DNAH17: variants seen among roughly 807,000 people sequenced by gnomAD.
The protein encoded by DNAH17 is axonemal beta dynein heavy chain 17.
In DNAH17, 376 loss-of-function variants were observed where a neutral mutation model predicts 485.6. That is an observed-to-expected ratio of 0.77 (90% CI 0.71 to 0.84). The LOEUF is 0.84. DNAH17 is among the 40% of genes least tolerant of loss of function. The pLI is 0.00. For synonymous variants in DNAH17, 3,031 were observed against 2,405.9 expected, an observed-to-expected ratio of 1.26 and a Z score of -7.60; for missense variants, 6,370 against 5,839.3, an observed-to-expected ratio of 1.09 and a Z score of -2.96.
intron 69 of DNAH17, among the ~76,000 whole-genome samples, chr17:78,446,352 G>C (rs1318934895): frequency 6.6e-6 from 1 of 151,996 alleles, no homozygotes; most frequent in Non-Finnish European, 1.5e-5. Flanking sequence ...GCCTCTGAGA[G>C]CTGCTCATCT....
At chr17:78,538,134 T>C (rs2091426463) in intron 18 of DNAH17, among the ~76,000 whole-genome samples, 1 of 64,728 alleles carries the variant, frequency 1.5e-5, no homozygotes, top group African/African-American at 7.4e-5. Flanking sequence ...CAAAACTCTG[T>C]CTCCAAAAAA....
chr17:78,465,387 G>T (rs1245094850), intron 56 of DNAH17, among the ~76,000 whole-genome samples: 1 of 150,978 alleles, frequency 6.6e-6, no homozygotes, highest in Non-Finnish European at 1.5e-5. Flanking sequence ...CTGCCTGGCC[G>T]CCCATCATCT....
At chr17:78,536,947 G>A (rs146621304) in intron 19 of DNAH17, among the ~76,000 whole-genome samples, 1,949 of 152,062 alleles carry the variant, frequency 0.013, 41 homozygotes, top group African/African-American at 0.042. Flanking sequence ...AGGCCGAGGC[G>A]GGTGGATCAT....
Position 78,458,669 on chromosome 17 carries a change from G to A in DNAH17, c.9873C>T (p.Ala3291=). The change falls in exon 62 of 81, where the codon GCC becomes GCT. Residue 3291 remains alanine (A), a synonymous_variant. Transcript: ENST00000389840. The part of the protein sequence containing the change: ...RIKNKIAELN[A]NLSNLTSAFE... ...ACGCTGAGGTTAGGTTGCTCAGGTTGGCGTTAAGTTCCTGCAAAACCAAGT... is the reference window on the plus strand; with the variant it reads ...ACGCTGAGGTTAGGTTGCTCAGGTTAGCGTTAAGTTCCTGCAAAACCAAGT... The A allele has an allele frequency of 1.9e-6, 3 of 1,614,018 alleles. No individual in the cohort carries two copies. The highest frequency in any genetic ancestry group is 1.7e-5 in the Admixed American group (1 of 60,032).
intron 52 of DNAH17, 124 bp downstream of exon 52, chr17:78,476,448 C>T: frequency 8.5e-7 from 1 of 1,176,724 alleles, no homozygotes; most frequent in Non-Finnish European, 1.2e-6. Flanking sequence ...TGGAACCTAA[C>T]ACGGATCTTC....
At chr17:78,448,654 CTG>C (rs1447960728) in intron 69 of DNAH17, among the ~76,000 whole-genome samples, 1 of 152,338 alleles carries the variant, frequency 6.6e-6, no homozygotes, top group East Asian at 1.9e-4. Flanking sequence ...ATGTTGGAAA[CTG>C]AATCCTCAGT....
intron 55 of DNAH17, among the ~76,000 whole-genome samples, chr17:78,467,573 CTGTT>C (rs1203409083): frequency 6.6e-6 from 1 of 152,108 alleles, no homozygotes; most frequent in Non-Finnish European, 1.5e-5. Flanking sequence ...GGACCCTGCT[CTGTT>C]TGAGTCAAGC....
intron 54 of DNAH17, among the ~76,000 whole-genome samples, chr17:78,471,569 C>T (rs2088754135): frequency 6.6e-6 from 1 of 152,190 alleles, no homozygotes; most frequent in South Asian, 2.1e-4. Flanking sequence ...ACTCTGTCGC[C>T]CAGGCTGGAG....
At chr17:78,503,126 G>T in intron 31 of DNAH17, 115 bp from the exon 32 acceptor site, 1 of 1,288,500 alleles carries the variant, frequency 7.8e-7, no homozygotes, top group African/African-American at 1.5e-5. Flanking sequence ...CATCCCAGGG[G>T]CAGACAGGTC....
chr17:78,426,746 C>T (rs776421801), intron 78 of DNAH17, 146 bp from the exon 79 acceptor site: 15 of 1,323,748 alleles, frequency 1.1e-5, no homozygotes, highest in Non-Finnish European at 1.6e-5. Flanking sequence ...GCAAGCGCTT[C>T]CTGCTAAGGA....
chr17:78,459,659 G>C, intron 60 of DNAH17, 125 bp downstream of exon 60: 1 of 1,019,794 alleles, frequency 9.8e-7, no homozygotes, highest in Non-Finnish European at 1.4e-6. Flanking sequence ...GTATGGGGAA[G>C]GGGCTGCCTA....
intron 9 of DNAH17, among the ~76,000 whole-genome samples, chr17:78,568,953 C>T (rs2092310543): frequency 6.6e-6 from 1 of 152,156 alleles, no homozygotes; most frequent in Non-Finnish European, 1.5e-5. Flanking sequence ...GGGAGAAGCA[C>T]CCGAAGTGGG....
Position 78,563,924 on chromosome 17 carries a change from C to T in DNAH17, c.1570-1944G>A, listed in dbSNP as rs560134008. Among the ~76,000 whole-genome samples, 284 of 151,824 alleles carry T rather than the reference C, an allele frequency of 1.9e-3. 7 individuals are homozygous for T. Among genetic ancestry groups the T allele is most frequent in the Admixed American group, 0.014 (219 of 15,286 alleles). ...TTTCTCCCCCTGCCTCCCTCCCCTC[C>T]GCTTTTCTTTGTTTTAAATTGAGCA... On this transcript the variant is annotated intron_variant, in intron 11 of 80. Coordinates refer to ENST00000389840, the MANE Select transcript of DNAH17 (RefSeq NM_173628.4).
At chr17:78,529,831 G>GC (rs1364692127) in intron 21 of DNAH17, 137 bp from the exon 22 acceptor site, 1 of 803,750 alleles carries the variant, frequency 1.2e-6, no homozygotes, top group African/African-American at 1.7e-5. Flanking sequence ...GGGAGGGAGC[G>GC]CCCCTGCCCA....
At chr17:78,533,601 G>A (rs1244433255) in intron 19 of DNAH17, among the ~76,000 whole-genome samples, 1 of 152,190 alleles carries the variant, frequency 6.6e-6, no homozygotes, top group Non-Finnish European at 1.5e-5. Flanking sequence ...AGAACTCGTT[G>A]GCTTATATAC....
chr17:78,571,236 C>CA, intron 5 of DNAH17, 43 bp downstream of exon 5: 1 of 1,559,858 alleles, frequency 6.4e-7, no homozygotes, highest in Non-Finnish European at 8.8e-7. Flanking sequence ...CCAGGAGGCA[C>CA]AAACAGCTTC....
intron 54 of DNAH17, 74 bp from the exon 55 acceptor site, chr17:78,468,957 C>G: frequency 6.6e-7 from 1 of 1,526,102 alleles, no homozygotes; most frequent in Non-Finnish European, 8.8e-7. Flanking sequence ...CACAACCAAC[C>G]AGAGCACAGG....
At chr17:78,503,279 A>C (rs2090366741) in intron 31 of DNAH17, among the ~76,000 whole-genome samples, 1 of 139,050 alleles carries the variant, frequency 7.2e-6, no homozygotes, top group Admixed American at 8.0e-5. Context: ...TCCCGGGTTC[A>C]CGCCATTCTC....
At chr17:78,540,202 A>G (rs894705611) in intron 17 of DNAH17, among the ~76,000 whole-genome samples, 1 of 84,838 alleles carries the variant, frequency 1.2e-5, no homozygotes, top group Non-Finnish European at 2.5e-5. Flanking sequence ...GGCCACTCAG[A>G]ATTATTTTAT....
Sources: allele counts gnomAD v4.1 joint callset (sites outside exome capture counted in the v4.1 genomes callset), GRCh38; gene constraint gnomAD v4.1.1; transcripts MANE v1.5; gene names NCBI Gene and HGNC (gene_info 2026-07-23, HGNC 2026-07-21).